Variants in GPAT3 observed in about 807,000 individuals in gnomAD.
GPAT3 encodes the protein glycerol-3-phosphate acyltransferase 3.
Under a neutral mutation model 58.8 loss-of-function variants are expected in GPAT3, and 53 were observed. The observed-to-expected ratio is 0.90, with a 90% CI of 0.72 to 1.13. GPAT3 has a LOEUF of 1.13. Among genes scored for constraint, GPAT3 ranks in the 50% most tolerant of loss-of-function variants. The pLI is 0.00. For missense variants in GPAT3, 511 were observed against 527.6 expected, an observed-to-expected ratio of 0.97 and a Z score of 0.31; for synonymous variants, 197 against 187.4, an observed-to-expected ratio of 1.05 and a Z score of -0.42.
At chr4:83,579,030 CTTTCTTTCTTTCTTTCTTTCTTT>C (rs1560620931) in intron 2 of GPAT3, among the ~76,000 whole-genome samples, 240 of 23,008 alleles carry the variant, frequency 0.01, 10 homozygotes, top group African/African-American at 0.017. Context: ...TTCTTTCTTT[CTTTCTTTCTTTCTTTCTTTCTTT>C]CTTTCTTTCT....
intron 2 of GPAT3, among the ~76,000 whole-genome samples, chr4:83,578,960 C>CTTTCTTTCTTT (rs1725938537): frequency 1.2e-5 from 1 of 85,650 alleles, no homozygotes; most frequent in Non-Finnish European, 2.2e-5. Flanking sequence ...TTCTTTCTTT[C>CTTTCTTTCTTT]TTTCTTTCTT....
At chr4:83,588,062 T>TTGACTATAAG in intron 4 of GPAT3, 148 bp from the exon 5 acceptor site, 1 of 608,018 alleles carries the variant, frequency 1.6e-6, no homozygotes, top group South Asian at 2.3e-5. Flanking sequence ...ACTATAACAA[T>TTGACTATAAG]TGACTATAAG....
At chr4:83,598,751 CTTTTTTTTTTTTTTTTTT>C (rs70965361) in intron 11 of GPAT3, 28 bp downstream of exon 11, 145 of 152,446 alleles carry the variant, frequency 9.5e-4, no homozygotes, top group Middle Eastern at 4.5e-3. Flanking sequence ...AGTACTATCA[CTTTTTTTTTTTTTTTTTT>C]TTTTTTTTTT....
At chr4:83,547,342 T>A (rs1724568554) in intron 2 of GPAT3, among the ~76,000 whole-genome samples, 1 of 136,172 alleles carries the variant, frequency 7.3e-6, no homozygotes, top group Admixed American at 8.2e-5. Flanking sequence ...AAGCTCCGCC[T>A]CCCAGATTCA....
chr4:83,572,810 G>A (rs1257303285), intron 2 of GPAT3, among the ~76,000 whole-genome samples: 1 of 152,280 alleles, frequency 6.6e-6, no homozygotes, highest in Non-Finnish European at 1.5e-5. Flanking sequence ...CAAAGGAGTC[G>A]CTGTGAAATG....
chr4:83,546,124 A>C (rs1352448569), intron 2 of GPAT3, among the ~76,000 whole-genome samples: 1 of 152,148 alleles, frequency 6.6e-6, no homozygotes, highest in Non-Finnish European at 1.5e-5. Context: ...AGCTGGGACT[A>C]CAGGCGTGCG....
intron 6 of GPAT3, among the ~76,000 whole-genome samples, chr4:83,591,953 G>T (rs913574816): frequency 6.6e-6 from 1 of 152,110 alleles, no homozygotes; most frequent in Non-Finnish European, 1.5e-5. Flanking sequence ...ATGGTATAAG[G>T]CAGAAGGGCC....
chr4:83,579,577 C>A (rs1726030581), intron 2 of GPAT3, among the ~76,000 whole-genome samples: 1 of 151,748 alleles, frequency 6.6e-6, no homozygotes, highest in African/African-American at 2.4e-5. Context: ...CAGGCATAAG[C>A]CCCCATGCCA....
intron 2 of GPAT3, among the ~76,000 whole-genome samples, chr4:83,566,160 C>A (rs1046870209): frequency 5.3e-5 from 8 of 152,148 alleles, no homozygotes; most frequent in Non-Finnish European, 2.9e-5. Context: ...CTGTCTCACA[C>A]ATGGGAGACC....
chr4:83,564,265 A>G (rs1725298174), intron 2 of GPAT3, among the ~76,000 whole-genome samples: 1 of 152,208 alleles, frequency 6.6e-6, no homozygotes, highest in Admixed American at 6.5e-5. Flanking sequence ...TCTAATTAGT[A>G]TTTCTCTGAT....
At chr4:83,592,162 G>A (rs1209412629) in intron 6 of GPAT3, among the ~76,000 whole-genome samples, 1 of 152,156 alleles carries the variant, frequency 6.6e-6, no homozygotes, top group Non-Finnish European at 1.5e-5. Context: ...ACAAAGAGTT[G>A]AGTATAACCC....
chr4:83,601,563 G>A (rs1454573849), intron 11 of GPAT3, among the ~76,000 whole-genome samples: 1 of 152,188 alleles, frequency 6.6e-6, no homozygotes, highest in Non-Finnish European at 1.5e-5. Flanking sequence ...GACCAGCCTG[G>A]GCAACATGGC....
chr4:83,597,894 C>A (rs568260235), intron 9 of GPAT3, among the ~76,000 whole-genome samples, 157 bp from the exon 10 acceptor site: 30 of 152,164 alleles, frequency 2.0e-4, no homozygotes, highest in African/African-American at 7.0e-4. Context: ...TATTAGCTGG[C>A]CCAGTTTACT....
At chr4:83,594,133 A>G (rs1726720319) in intron 6 of GPAT3, among the ~76,000 whole-genome samples, 1 of 152,152 alleles carries the variant, frequency 6.6e-6, no homozygotes, top group African/African-American at 2.4e-5. Context: ...TTCATTTAAC[A>G]ATATCTCCTG....
Position 83,583,677 on chromosome 4 carries a change from A to G in GPAT3, c.479+1845A>G, listed in dbSNP as rs1246155928. On this transcript the variant is annotated intron_variant, in intron 3 of 11. Coordinates refer to ENST00000264409, the MANE Select transcript of GPAT3 (RefSeq NM_032717.5). ...GCGAGACTCTTGTCTGAAAAAAAAA[A>G]AAAAAAAAAAAAAAAAAAAATGAAG... Among the ~76,000 whole-genome samples the G allele has an allele frequency of 4.8e-5, 7 of 147,336 alleles. No homozygotes were observed. The South Asian group carries it at 6.5e-4, about 14-fold the overall frequency.
chr4:83,535,924 TCTC>T, upstream of GPAT3: 15 of 985,458 alleles, frequency 1.5e-5, no homozygotes, highest in Non-Finnish European at 1.8e-5. Flanking sequence ...AGATGAAAAC[TCTC>T]CTCCTGAAAG....
At chr4:83,547,416 C>G (rs570709944) in intron 2 of GPAT3, among the ~76,000 whole-genome samples, 1 of 151,724 alleles carries the variant, frequency 6.6e-6, no homozygotes, top group African/African-American at 2.4e-5. Flanking sequence ...CCACGCCCAG[C>G]TAATTTTTTG....
chr4:83,546,122 C>A (rs1239895982), intron 2 of GPAT3, among the ~76,000 whole-genome samples: 1 of 152,086 alleles, frequency 6.6e-6, no homozygotes, highest in Non-Finnish European at 1.5e-5. Context: ...GTAGCTGGGA[C>A]TACAGGCGTG....
chr4:83,542,307 A>G (rs1332861115), intron 1 of GPAT3, among the ~76,000 whole-genome samples: 1 of 152,268 alleles, frequency 6.6e-6, no homozygotes, highest in Non-Finnish European at 1.5e-5. Flanking sequence ...GTAAAAAACT[A>G]TGGAAACAGT....
Sources: allele counts gnomAD v4.1 joint callset (sites outside exome capture counted in the v4.1 genomes callset), GRCh38; gene constraint gnomAD v4.1.1; transcripts MANE v1.5; gene names NCBI Gene and HGNC (gene_info 2026-07-23, HGNC 2026-07-21).